The following EGFR variants were observed in gnomAD, a reference collection of about 807,000 sequenced individuals.
EGFR encodes the protein epidermal growth factor receptor, also known as avian erythroblastic leukemia viral (v-erb-b) oncogene homolog.
In EGFR, 58 loss-of-function variants were observed where a neutral mutation model predicts 143.0. That is an observed-to-expected ratio of 0.41 (90% CI 0.33 to 0.50). The LOEUF (loss-of-function observed/expected upper bound fraction) is 0.50, where lower values mean the gene tolerates loss of function less well. Ranked by LOEUF, EGFR falls within the 20% of genes least tolerant of loss-of-function variation. The pLI is 0.39. For synonymous variants in EGFR, 613 were observed against 594.4 expected, an observed-to-expected ratio of 1.03 and a Z score of -0.45; for missense variants, 1,307 against 1,579.0, an observed-to-expected ratio of 0.83 and a Z score of 2.92.
intron 1 of EGFR, 128 bp from the exon 2 acceptor site, chr7:55,142,158 T>A: frequency 8.9e-7 from 1 of 1,117,574 alleles, no homozygotes; most frequent in South Asian, 1.3e-5. Context: ...TGGGCAGGAA[T>A]GGGTGAGTCT....
At chr7:55,099,832 A>T (rs1791696446) in intron 1 of EGFR, among the ~76,000 whole-genome samples, 1 of 152,220 alleles carries the variant, frequency 6.6e-6, no homozygotes, top group South Asian at 2.1e-4. Context: ...AATTAAAAAA[A>T]AAAAAAGAAA....
intron 1 of EGFR, among the ~76,000 whole-genome samples, chr7:55,052,240 C>T (rs1275098481): frequency 6.6e-6 from 1 of 152,204 alleles, no homozygotes; most frequent in Non-Finnish European, 1.5e-5. Context: ...GCCAGTGCAG[C>T]ACATCTATGA....
intron 15 of EGFR, among the ~76,000 whole-genome samples, chr7:55,165,958 A>C (rs560645748): frequency 6.6e-6 from 1 of 152,220 alleles, no homozygotes; most frequent in Non-Finnish European, 1.5e-5. Context: ...CAGGCAGATC[A>C]CTTGAGGTCA....
intron 1 of EGFR, among the ~76,000 whole-genome samples, chr7:55,050,972 C>T (rs1788454910): frequency 6.6e-6 from 1 of 152,160 alleles, no homozygotes. Flanking sequence ...CTGCGGTGGG[C>T]TGTGTGTGTG....
chr7:55,146,599 C>A lies in EGFR; in HGVS notation c.425-7C>A, dbSNP rs779256696. 1.2e-6 allele frequency: 2 copies of A among 1,614,006 alleles called. No individual in the cohort carries two copies. The highest frequency in any genetic ancestry group is 2.7e-5 in the African/African-American group (2 of 74,940). ...AGAGTGCTCACCGCAGTTCCATTCTCCCGCAGAAATCCTGCATGGCGCCGT... is the reference window on the plus strand; with the variant it reads ...AGAGTGCTCACCGCAGTTCCATTCTACCGCAGAAATCCTGCATGGCGCCGT... On this transcript the variant is annotated splice_polypyrimidine_tract_variant and splice_region_variant and intron_variant, in intron 3 of 27. Coordinates refer to ENST00000275493, the MANE Select transcript of EGFR (RefSeq NM_005228.5).
At chr7:55,096,299 G>A (rs749303809) in intron 1 of EGFR, among the ~76,000 whole-genome samples, 14 of 152,098 alleles carry the variant, frequency 9.2e-5, no homozygotes, top group African/African-American at 1.7e-4. Flanking sequence ...TTAATTCTCC[G>A]GTTGTGTTCA....
chr7:55,026,276 T>A (rs1173495238), intron 1 of EGFR, among the ~76,000 whole-genome samples: 1 of 152,248 alleles, frequency 6.6e-6, no homozygotes, highest in African/African-American at 2.4e-5. Flanking sequence ...AACAGTTGCA[T>A]ATTTCATTAG....
At chr7:55,024,182 G>A (rs895315434) in intron 1 of EGFR, among the ~76,000 whole-genome samples, 3 of 152,208 alleles carry the variant, frequency 2.0e-5, no homozygotes, top group African/African-American at 7.2e-5. Flanking sequence ...AATATTGGGG[G>A]TGTGTTTACT....
chr7:55,098,177 G>GA (rs536961275), intron 1 of EGFR, among the ~76,000 whole-genome samples: 134 of 152,218 alleles, frequency 8.8e-4, no homozygotes, highest in African/African-American at 3.1e-3. Flanking sequence ...TAAAGACAGG[G>GA]AAAAAATGAG....
intron 1 of EGFR, among the ~76,000 whole-genome samples, chr7:55,051,290 A>G (rs1295725748): frequency 2.0e-5 from 3 of 152,092 alleles, no homozygotes; most frequent in South Asian, 4.2e-4. Context: ...CCTCAAGCTT[A>G]TGTGTTGGAA....
At chr7:55,052,793 A>G (rs1788565908) in intron 1 of EGFR, among the ~76,000 whole-genome samples, 1 of 152,190 alleles carries the variant, frequency 6.6e-6, no homozygotes, top group African/African-American at 2.4e-5. Flanking sequence ...CTGGGGGCTG[A>G]TGCTGGCTTC....
rs1786838280 is a variant in EGFR, at chr7:55,181,011, C to T, written c.2284-282C>T. 3 of 553,772 alleles carry T rather than the reference C, an allele frequency of 5.4e-6. No individual in the cohort carries two copies. The East Asian group carries it at 9.1e-5, about 17-fold the overall frequency. 34.3% of individuals were successfully genotyped at this position (553,772 alleles called of 1,614,324 possible). On this transcript the variant is annotated intron_variant, in intron 19 of 27. Coordinates refer to ENST00000275493, the MANE Select transcript of EGFR (RefSeq NM_005228.5). ...AGAGATCAGGTGACTCCGACTCCTC[C>T]TTTATCCAATGTGCTCCTCATGGCC...
intron 1 of EGFR, among the ~76,000 whole-genome samples, chr7:55,072,423 C>A (rs1789885693): frequency 6.6e-6 from 1 of 152,206 alleles, no homozygotes; most frequent in Admixed American, 6.5e-5. Flanking sequence ...GAAGCAGCTG[C>A]ACCTGCATTT....
chr7:55,114,883 T>C (rs1419923945), intron 1 of EGFR, among the ~76,000 whole-genome samples: 1 of 146,012 alleles, frequency 6.8e-6, no homozygotes, highest in Admixed American at 6.8e-5. Context: ...ATTATTCTTT[T>C]TTTTTTTTTT....
At chr7:55,096,044 C>G (rs3823585) in intron 1 of EGFR, among the ~76,000 whole-genome samples, 51,526 of 151,960 alleles carry the variant, frequency 0.34, 9,433 homozygotes, top group East Asian at 0.7. Context: ...TTAGCTAGTT[C>G]AGGAGGAGAA....
At chr7:55,108,420 T>C (rs1323380400) in intron 1 of EGFR, among the ~76,000 whole-genome samples, 2 of 152,230 alleles carry the variant, frequency 1.3e-5, no homozygotes, top group African/African-American at 2.4e-5. Flanking sequence ...TCTCCATAAA[T>C]GGCTGCCATG....
intron 1 of EGFR, among the ~76,000 whole-genome samples, chr7:55,049,345 AC>A (rs549611395): frequency 5.4e-4 from 82 of 152,298 alleles, no homozygotes; most frequent in African/African-American, 1.9e-3. Context: ...TCATTTCATT[AC>A]CAAACCGCCT....
At chr7:55,165,570 C>T (rs1785936163) in intron 15 of EGFR, 133 bp downstream of exon 15, 6 of 1,265,220 alleles carry the variant, frequency 4.7e-6, no homozygotes, top group Non-Finnish European at 6.5e-6. Flanking sequence ...GTTTTGGTCC[C>T]CACAGCCATG....
intron 1 of EGFR, among the ~76,000 whole-genome samples, chr7:55,108,764 C>T (rs147161807): frequency 1.4e-3 from 218 of 152,228 alleles, no homozygotes; most frequent in African/African-American, 4.9e-3. Flanking sequence ...AACCGAAATT[C>T]GATTTAATCT....
Sources: allele counts gnomAD v4.1 joint callset (sites outside exome capture counted in the v4.1 genomes callset), GRCh38; gene constraint gnomAD v4.1.1; transcripts MANE v1.5; gene names NCBI Gene and HGNC (gene_info 2026-07-23, HGNC 2026-07-21).